The following HS6ST1 variants were observed in gnomAD, a reference collection of about 807,000 sequenced individuals.
The protein encoded by HS6ST1 is heparan sulfate 6-O-sulfotransferase 1, also known as heparan-sulfate 6-O-sulfotransferase 1.
HS6ST1 carries 3 observed loss-of-function variants against 25.2 expected under a neutral mutation model. That is an observed-to-expected ratio of 0.12 (90% CI 0.05 to 0.31). HS6ST1 has a LOEUF of 0.31. Among genes scored for constraint, HS6ST1 ranks in the 10% least tolerant of loss-of-function variants. The pLI, the probability that HS6ST1 is intolerant of heterozygous loss-of-function variation, is 1.00. For synonymous variants in HS6ST1, 204 were observed against 275.1 expected, an observed-to-expected ratio of 0.74 and a Z score of 2.56; for missense variants, 310 against 609.6, an observed-to-expected ratio of 0.51 and a Z score of 5.18.
chr2:128,313,135 TG>T (rs1694315876), intron 1 of HS6ST1, among the ~76,000 whole-genome samples: 1 of 152,236 alleles, frequency 6.6e-6, no homozygotes, highest in Admixed American at 6.5e-5. Context: ...AGACCACAGG[TG>T]GGAGCATACC....
At chr2:128,314,938 GA>G (rs1694340258) in intron 1 of HS6ST1, among the ~76,000 whole-genome samples, 1 of 152,220 alleles carries the variant, frequency 6.6e-6, no homozygotes, top group Non-Finnish European at 1.5e-5. Flanking sequence ...ACGGGAAGAG[GA>G]AGGAGGGAGG....
At chr2:128,299,759 A>G (rs1385858692) in intron 1 of HS6ST1, among the ~76,000 whole-genome samples, 1 of 152,164 alleles carries the variant, frequency 6.6e-6, no homozygotes, top group Non-Finnish European at 1.5e-5. Context: ...CAGGGTAGGG[A>G]GCTGTGGCTG....
chr2:128,276,486 C>T (rs1693696805), intron 1 of HS6ST1, among the ~76,000 whole-genome samples: 1 of 152,142 alleles, frequency 6.6e-6, no homozygotes, highest in South Asian at 2.1e-4. Context: ...AAGTCAGAGG[C>T]TAGCCCTGGG....
chr2:128,317,931 G>T (rs1694398701), intron 1 of HS6ST1, 106 bp downstream of exon 1: 2 of 1,291,236 alleles, frequency 1.5e-6, no homozygotes, highest in African/African-American at 1.6e-5. Context: ...CCCCAAGAGG[G>T]CAGAAGGGGG....
rs137915893 is a variant in HS6ST1 at position 128,315,740 on chromosome 2, C to T, written c.527+2297G>A. ...AGCCTGGGCCAGAAGACTCAGGTGGCGGGGCAGCGCTCAGCAGGTGGACCT... is the reference window on the plus strand; with the variant it reads ...AGCCTGGGCCAGAAGACTCAGGTGGTGGGGCAGCGCTCAGCAGGTGGACCT... On this transcript the variant is annotated intron_variant, in intron 1 of 1. Transcript: ENST00000259241. 4.8e-3 allele frequency among the ~76,000 whole-genome samples: 729 copies of T among 152,276 alleles called. 1 individual carries two copies. The highest frequency in any genetic ancestry group is 0.01 in the Admixed American group (157 of 15,304).
intron 1 of HS6ST1, among the ~76,000 whole-genome samples, chr2:128,286,582 G>C (rs1693865545): frequency 6.6e-6 from 1 of 152,218 alleles, no homozygotes; most frequent in Non-Finnish European, 1.5e-5. Flanking sequence ...GGTCAGAAGA[G>C]GAAATGAGTT....
At chr2:128,315,436 G>A (rs1203977826) in intron 1 of HS6ST1, among the ~76,000 whole-genome samples, 1 of 152,186 alleles carries the variant, frequency 6.6e-6, no homozygotes, top group Admixed American at 6.5e-5. Flanking sequence ...GGGGCTTGGT[G>A]GAGAGGTTCC....
intron 1 of HS6ST1, among the ~76,000 whole-genome samples, chr2:128,291,827 G>A (rs182946312): frequency 6.6e-6 from 1 of 152,324 alleles, no homozygotes; most frequent in East Asian, 1.9e-4. Flanking sequence ...GGGCGCCGGC[G>A]GGCATCTGTC....
At chr2:128,275,396 T>C (rs943177120) in intron 1 of HS6ST1, among the ~76,000 whole-genome samples, 1 of 152,040 alleles carries the variant, frequency 6.6e-6, no homozygotes, top group Non-Finnish European at 1.5e-5. Flanking sequence ...AATTAAGAAA[T>C]AGCACTATAT....
chr2:128,277,661 C>T lies in HS6ST1; in HGVS notation c.528-8791G>A, dbSNP rs533333843. Among the ~76,000 whole-genome samples the T allele has an allele frequency of 2.6e-5, 4 of 152,340 alleles. No homozygotes were observed. In the East Asian group the frequency reaches 7.7e-4, roughly 29 times the overall value. ...GAGGGTGAGGACATGGCCAGTGAGG[C>T]TAAGGCACACAGGCAGGGCCAGACC... On this transcript the variant is annotated intron_variant, in intron 1 of 1. Transcript: ENST00000259241.
intron 1 of HS6ST1, among the ~76,000 whole-genome samples, chr2:128,271,139 T>C (rs1693603085): frequency 6.6e-6 from 1 of 152,216 alleles, no homozygotes; most frequent in Non-Finnish European, 1.5e-5. Flanking sequence ...CTGTGCTAGC[T>C]GACTGGAAGA....
chr2:128,268,658 T>C lies in HS6ST1; in HGVS notation c.740A>G (p.Asn247Ser), dbSNP rs1181753089. 1 of 1,610,510 alleles carries C rather than the reference T, an allele frequency of 6.2e-7. No homozygotes were observed. The highest frequency in any genetic ancestry group is 8.5e-7 in the Non-Finnish European group (1 of 1,179,104). Reference protein sequence around the residue: ...EFMDCPYNLANNRQVRMLADL... With the variant: ...EFMDCPYNLASNRQVRMLADL... ...GGCCAGCATGCGCACCTGGCGGTTG[T>C]TGGCCAGGTTGTACGGGCAGTCCAT... The change falls in exon 2 of 2, where the codon AAC becomes AGC. Residue 247 changes from asparagine to serine, a missense_variant. Physicochemically the swap from Asn to Ser is conservative, Grantham distance 46. Around this residue, in one of 5 missense-constraint regions of HS6ST1, gnomAD observed 98 missense variants for 270.3 expected, o/e 0.36. Transcript: ENST00000259241.
chr2:128,289,132 C>G (rs527769537), intron 1 of HS6ST1, among the ~76,000 whole-genome samples: 5 of 152,118 alleles, frequency 3.3e-5, no homozygotes, highest in Admixed American at 3.3e-4. Flanking sequence ...CAGAGATAAG[C>G]CATTCTGTGC....
intron 1 of HS6ST1, among the ~76,000 whole-genome samples, chr2:128,285,837 C>T (rs1375247719): frequency 6.6e-6 from 1 of 152,234 alleles, no homozygotes; most frequent in African/African-American, 2.4e-5. Context: ...GCCTCCACCC[C>T]ACCCTCAGGC....
intron 1 of HS6ST1, among the ~76,000 whole-genome samples, chr2:128,286,628 T>C (rs1693866526): frequency 6.6e-6 from 1 of 152,090 alleles, no homozygotes; most frequent in African/African-American, 2.4e-5. Context: ...TATTAAATGG[T>C]GGGAAAAAGG....
intron 1 of HS6ST1, among the ~76,000 whole-genome samples, chr2:128,271,253 G>A (rs1374034067): frequency 6.6e-6 from 1 of 152,254 alleles, no homozygotes; most frequent in African/African-American, 2.4e-5. Context: ...GTCTCCCATG[G>A]TGTAGCCTGT....
At chr2:128,294,412 C>T (rs1694005329) in intron 1 of HS6ST1, among the ~76,000 whole-genome samples, 1 of 152,200 alleles carries the variant, frequency 6.6e-6, no homozygotes, top group South Asian at 2.1e-4. Context: ...TGTTCTCAGC[C>T]TGTCTACTGG....
intron 1 of HS6ST1, among the ~76,000 whole-genome samples, chr2:128,311,219 C>T (rs531466928): frequency 6.6e-6 from 1 of 152,304 alleles, no homozygotes; most frequent in Admixed American, 6.5e-5. Flanking sequence ...TCTGAGAAGG[C>T]AAGAACAGTC....
At chr2:128,274,581 C>T (rs1381095983) in intron 1 of HS6ST1, among the ~76,000 whole-genome samples, 1 of 151,888 alleles carries the variant, frequency 6.6e-6, no homozygotes, top group Non-Finnish European at 1.5e-5. Flanking sequence ...AACAAACAAA[C>T]AAACTTGGAA....
Sources: gnomAD v4.1 joint callset for allele counts (sites outside exome capture counted in the v4.1 genomes callset) on GRCh38, gnomAD v4.1.1 for gene constraint, gnomAD v4.1.1 regional missense constraint, MANE v1.5 for transcripts, NCBI Gene and HGNC (gene_info 2026-07-23, HGNC 2026-07-21) for gene names.